Variants in CLCN3 observed in about 807,000 individuals in gnomAD.
The protein encoded by CLCN3 is Cl-/H+ antiporter 3, also known as H(+)/Cl(-) exchange transporter 3.
CLCN3 carries 16 observed loss-of-function variants against 83.4 expected under a neutral mutation model. The ratio of observed to expected loss-of-function variants is 0.19; its 90% CI spans 0.13 to 0.29. CLCN3 has a LOEUF of 0.29. CLCN3 is among the 10% of genes least tolerant of loss of function. CLCN3 has a pLI of 1.00. For missense variants in CLCN3, 544 were observed against 1,006.0 expected, an observed-to-expected ratio of 0.54 and a Z score of 6.21; for synonymous variants, 322 against 346.2, an observed-to-expected ratio of 0.93 and a Z score of 0.78.
At chr4:169,702,533 T>C (rs902791005) in intron 9 of CLCN3, among the ~76,000 whole-genome samples, 6 of 152,084 alleles carry the variant, frequency 3.9e-5, no homozygotes, top group African/African-American at 1.4e-4. Flanking sequence ...TTATCCAGGC[T>C]TTGTTATTCC....
intron 2 of CLCN3, among the ~76,000 whole-genome samples, chr4:169,654,800 GTATGC>G (rs1407917019): frequency 6.6e-6 from 1 of 152,100 alleles, no homozygotes; most frequent in African/African-American, 2.4e-5. Flanking sequence ...AATGTTCCAT[GTATGC>G]TATAAGAATA....
rs1163576029 is a variant in CLCN3, at chr4:169,704,149, G to T, written c.1715G>T (p.Gly572Val). The change falls in exon 10 of 13, where the codon GGC becomes GTC. Residue 572 changes from glycine to valine, a missense_variant. By Grantham distance (109) the Gly-to-Val change is moderately radical. This residue lies in a region of CLCN3 where 27 missense variants were observed against 100.2 expected (regional missense o/e 0.27). Coordinates refer to ENST00000513761, the MANE Select transcript of CLCN3 (RefSeq NM_001829.4). ...CEVGADCITP[G>V]LYAMVGAAAC... ...GTCGGGGCTGATTGCATTACACCTG[G>T]CCTTTATGCCATGGTTGGTGCTGCT... 1 of 1,613,516 alleles carries T rather than the reference G, an allele frequency of 6.2e-7. No individual in the cohort carries two copies.
intron 12 of CLCN3, among the ~76,000 whole-genome samples, chr4:169,713,863 T>C (rs908869655): frequency 3.3e-5 from 5 of 152,230 alleles, no homozygotes; most frequent in African/African-American, 1.2e-4. Flanking sequence ...TCTTTTATAT[T>C]TATATAACTG....
chr4:169,717,327 A>G (rs1469743115), intron 12 of CLCN3, among the ~76,000 whole-genome samples: 1 of 152,152 alleles, frequency 6.6e-6, no homozygotes, highest in African/African-American at 2.4e-5. Context: ...GGAGTTTTTA[A>G]GTCTCCTCAC....
chr4:169,678,620 CTT>C (rs1006915230), intron 2 of CLCN3, among the ~76,000 whole-genome samples: 4 of 152,120 alleles, frequency 2.6e-5, no homozygotes, highest in Admixed American at 2.6e-4. Flanking sequence ...GGTGATGACT[CTT>C]AATGAGCATG....
intron 2 of CLCN3, among the ~76,000 whole-genome samples, chr4:169,649,533 G>A (rs1328222907): frequency 6.6e-6 from 1 of 152,148 alleles, no homozygotes; most frequent in East Asian, 1.9e-4. Context: ...AATAGATTTA[G>A]GAGTAAAATC....
At position 169,722,437 on chromosome 4, in the gene CLCN3, C is replaced by T. The variant is rs1463391039; in HGVS notation, c.*2440C>T. ...GTAAAATCATTTCTAAATGATAGTT[C>T]TGTATATCTCCAACTCGTCTTAAGT... On this transcript the variant is annotated 3_prime_UTR_variant, in exon 13 of 13. Transcript: ENST00000513761. 1 of 152,198 alleles carries T rather than the reference C, an allele frequency of 6.6e-6. No homozygotes were observed. The highest frequency in any genetic ancestry group is 1.9e-4 in the East Asian group (1 of 5,200). 9.4% of individuals were successfully genotyped at this position (152,198 alleles called of 1,614,324 possible). A position where few individuals can be genotyped will look rare whatever the true frequency, so the allele number is the denominator to read the frequency against.
intron 2 of CLCN3, among the ~76,000 whole-genome samples, chr4:169,670,690 A>T (rs754731229): frequency 1.3e-5 from 2 of 152,218 alleles, no homozygotes; most frequent in East Asian, 3.8e-4. Flanking sequence ...CGTTGAATCT[A>T]TAAATTACTT....
Position 169,706,991 on chromosome 4 carries a change from G to T in CLCN3, c.1874G>T (p.Gly625Val), listed in dbSNP as rs1303661798. The T allele has an allele frequency of 6.2e-7, 1 of 1,614,000 alleles. No individual in the cohort carries two copies. Among genetic ancestry groups the T allele is most frequent in the Non-Finnish European group, 8.5e-7 (1 of 1,180,010 alleles). ...MTSKWVGDAF[G>V]REGIYEAHIR... ...AGTAAATGGGTTGGAGATGCCTTTGGCAGGGAAGGCATTTATGAAGCACAC... is the reference window on the plus strand; with the variant it reads ...AGTAAATGGGTTGGAGATGCCTTTGTCAGGGAAGGCATTTATGAAGCACAC... Residue 625 changes from glycine (G) to valine (V), a missense_variant, in exon 11 of 13, where the codon GGC becomes GTC. By Grantham distance (109) the Gly-to-Val change is moderately radical. Around this residue, in one of 6 missense-constraint regions of CLCN3, gnomAD observed 27 missense variants for 100.2 expected, o/e 0.27. Transcript: ENST00000513761.
chr4:169,623,723 G>C (rs1773162766), intron 1 of CLCN3, among the ~76,000 whole-genome samples: 1 of 151,384 alleles, frequency 6.6e-6, no homozygotes, highest in African/African-American at 2.4e-5. Context: ...CCCTGAGTTT[G>C]ACTTTTTTTT....
intron 11 of CLCN3, among the ~76,000 whole-genome samples, chr4:169,709,923 C>T (rs1733144295): frequency 6.7e-6 from 1 of 150,242 alleles, no homozygotes; most frequent in Admixed American, 6.7e-5. Flanking sequence ...CATAGCAAGA[C>T]CTTTGTCTCT....
chr4:169,646,132 A>G (rs537717408), intron 2 of CLCN3, among the ~76,000 whole-genome samples: 101 of 152,222 alleles, frequency 6.6e-4, no homozygotes, highest in Middle Eastern at 3.4e-3. Flanking sequence ...AGCCATATAT[A>G]CTGTTTATTT....
At chr4:169,621,294 A>G (rs1340546301) in intron 1 of CLCN3, among the ~76,000 whole-genome samples, 3 of 152,256 alleles carry the variant, frequency 2.0e-5, no homozygotes, top group Non-Finnish European at 4.4e-5. Flanking sequence ...TCTGAATAAA[A>G]TGGAAGTGGG....
chr4:169,695,740 C>T (rs747363086), intron 8 of CLCN3, 48 bp downstream of exon 8: 1 of 1,250,596 alleles, frequency 8.0e-7, no homozygotes, highest in South Asian at 1.3e-5. Context: ...ATTACCATTA[C>T]AAATATATTT....
intron 5 of CLCN3, 59 bp from the exon 6 acceptor site, chr4:169,690,471 A>G (rs1732324608): frequency 6.5e-7 from 1 of 1,544,994 alleles, no homozygotes; most frequent in South Asian, 1.2e-5. Flanking sequence ...TATGACAAGC[A>G]TTTGCATTAG....
intron 1 of CLCN3, among the ~76,000 whole-genome samples, chr4:169,621,547 A>G (rs12331279): frequency 0.032 from 4,876 of 152,302 alleles, 191 homozygotes; most frequent in African/African-American, 0.088. Flanking sequence ...CGGAGCATAT[A>G]GAAGATAATT....
At chr4:169,716,257 T>G (rs914806077) in intron 12 of CLCN3, among the ~76,000 whole-genome samples, 4 of 152,188 alleles carry the variant, frequency 2.6e-5, no homozygotes, top group Non-Finnish European at 4.4e-5. Flanking sequence ...CTTTTAGGGT[T>G]TTTACTTTAT....
chr4:169,639,863 T>C (rs865843055), intron 2 of CLCN3, among the ~76,000 whole-genome samples: 1 of 152,224 alleles, frequency 6.6e-6, no homozygotes, highest in Non-Finnish European at 1.5e-5. Context: ...TTTTTGAATA[T>C]GTGTTGAATG....
At chr4:169,682,357 G>A (rs1731977963) in intron 3 of CLCN3, among the ~76,000 whole-genome samples, 1 of 152,096 alleles carries the variant, frequency 6.6e-6, no homozygotes, top group Non-Finnish European at 1.5e-5. Context: ...TTACTGGAGA[G>A]CTCAAATTCT....
Sources: gnomAD v4.1 joint callset for allele counts (sites outside exome capture counted in the v4.1 genomes callset) on GRCh38, gnomAD v4.1.1 for gene constraint, gnomAD v4.1.1 regional missense constraint, MANE v1.5 for transcripts, NCBI Gene and HGNC (gene_info 2026-07-23, HGNC 2026-07-21) for gene names.